The following PUS7 variants were observed in gnomAD, a reference collection of about 807,000 sequenced individuals.
The protein encoded by PUS7 is pseudouridine synthase 7.
PUS7 carries 48 observed loss-of-function variants against 79.8 expected under a neutral mutation model. The observed-to-expected ratio is 0.60, with a 90% CI of 0.48 to 0.76. The LOEUF (loss-of-function observed/expected upper bound fraction) is 0.76. Ranked by LOEUF, PUS7 falls within the 30% of genes least tolerant of loss-of-function variation. The probability of loss-of-function intolerance (pLI) is 0.00; values close to 1 mark genes in which losing one functional copy is unlikely to be tolerated. For synonymous variants in PUS7, 286 were observed against 272.2 expected (o/e 1.05, Z -0.50); for missense variants, 729 against 797.6 (o/e 0.91, Z 1.04).
At chr7:105,517,865 G>C (rs1395347074) in intron 1 of PUS7, among the ~76,000 whole-genome samples, 1 of 152,166 alleles carries the variant, frequency 6.6e-6, no homozygotes, top group Non-Finnish European at 1.5e-5. Flanking sequence ...AAATTAGCCA[G>C]GCAGCTGGGT....
At chr7:105,521,744 G>A (rs1826122850) in intron 1 of PUS7, among the ~76,000 whole-genome samples, 1 of 152,182 alleles carries the variant, frequency 6.6e-6, no homozygotes, top group Non-Finnish European at 1.5e-5. Flanking sequence ...GGGGGACAGC[G>A]CCGCGCGGGG....
intron 5 of PUS7, among the ~76,000 whole-genome samples, chr7:105,499,148 T>C (rs1825150685): frequency 6.6e-6 from 1 of 152,186 alleles, no homozygotes; most frequent in Non-Finnish European, 1.5e-5. Context: ...ACCAACAACT[T>C]CCATGTTGCT....
intron 7 of PUS7, among the ~76,000 whole-genome samples, chr7:105,487,364 G>A (rs1028958646): frequency 6.6e-6 from 1 of 152,168 alleles, no homozygotes; most frequent in African/African-American, 2.4e-5. Context: ...TTGTGCGCCT[G>A]ACTTCTTAGT....
rs551912573 is a variant in PUS7 at position 105,459,439 on chromosome 7, A to ATT, written c.1758-182_1758-181dup. Among the ~76,000 whole-genome samples, 115 of 143,986 alleles carry ATT rather than the reference A, an allele frequency of 8.0e-4. 1 individual carries two copies. Among genetic ancestry groups the ATT allele is most frequent in the East Asian group, 8.0e-4 (4 of 4,998 alleles). The allele number at this position is 143,986 out of a possible 152,430, so 94.5% of individuals were successfully genotyped here. A position where few individuals can be genotyped will look rare whatever the true frequency, so the allele number is the denominator to read the frequency against. ...TACCTAAGTTTTGCTTATATATATA[A>ATT]TTTTTTTTTTTTTTTGAGATGGAGT... On this transcript the variant is annotated intron_variant, in intron 14 of 15. Coordinates refer to ENST00000469408, the MANE Select transcript of PUS7 (RefSeq NM_019042.5).
intron 1 of PUS7, 55 bp from the exon 2 acceptor site, chr7:105,508,599 C>G: frequency 5.9e-6 from 9 of 1,528,340 alleles, no homozygotes; most frequent in Non-Finnish European, 6.1e-6. Context: ...GGTTTCAGGC[C>G]GGGCGCGGTG....
intron 1 of PUS7, among the ~76,000 whole-genome samples, chr7:105,520,003 T>G (rs928097949): frequency 1.3e-5 from 2 of 152,182 alleles, no homozygotes; most frequent in African/African-American, 2.4e-5. Flanking sequence ...ATTAATACAG[T>G]ACATGCATGC....
intron 4 of PUS7, 146 bp downstream of exon 4, chr7:105,505,809 A>AT: frequency 1.6e-6 from 1 of 611,648 alleles, no homozygotes. Flanking sequence ...CAGTAAAAAA[A>AT]TTTTTTAGTG....
intron 1 of PUS7, among the ~76,000 whole-genome samples, chr7:105,508,955 C>T (rs35672975): frequency 0.076 from 10,526 of 137,758 alleles, 423 homozygotes; most frequent in East Asian, 0.13. Flanking sequence ...CCGAGGTGGG[C>T]GGATCACAAG....
At chr7:105,485,259 G>A (rs1369256800) in intron 7 of PUS7, among the ~76,000 whole-genome samples, 3 of 152,124 alleles carry the variant, frequency 2.0e-5, no homozygotes, top group African/African-American at 7.2e-5. Flanking sequence ...GCCCAGGCTG[G>A]AGCGCAATGG....
At chr7:105,466,037 AGTCC>A (rs1261906050) in intron 12 of PUS7, among the ~76,000 whole-genome samples, 1 of 151,858 alleles carries the variant, frequency 6.6e-6, no homozygotes, top group Non-Finnish European at 1.5e-5. Flanking sequence ...AAACACCTGT[AGTCC>A]CACCTACTTG....
chr7:105,457,576 T>G lies in PUS7; in HGVS notation c.*214A>C. 1 of 383,100 alleles carries G rather than the reference T, an allele frequency of 2.6e-6. No homozygotes were observed. The highest frequency in any genetic ancestry group is 4.6e-6 in the Non-Finnish European group (1 of 218,578). The allele number at this position is 383,100 out of a possible 1,614,324, so 23.7% of individuals were successfully genotyped here. A position where few individuals can be genotyped will look rare whatever the true frequency, so the allele number is the denominator to read the frequency against. ...GCACCTGAAGTGTATTTTGACTAAT[T>G]TATATTCTGAGCTAAAATTAAGAAC... On this transcript the variant is annotated 3_prime_UTR_variant, in exon 16 of 16. Coordinates refer to ENST00000469408, the MANE Select transcript of PUS7 (RefSeq NM_019042.5).
chr7:105,481,245 A>G (rs1788274161), intron 8 of PUS7, 68 bp from the exon 9 acceptor site: 1 of 1,420,734 alleles, frequency 7.0e-7, no homozygotes, highest in Admixed American at 2.2e-5. Context: ...CAGCTCATAA[A>G]TGACTACGGC....
intron 8 of PUS7, 139 bp from the exon 9 acceptor site, chr7:105,481,316 T>C: frequency 1.8e-6 from 1 of 566,608 alleles, no homozygotes; most frequent in Non-Finnish European, 2.8e-6. Flanking sequence ...CAAGGGCTCT[T>C]TCTTTCTTTA....
Position 105,457,888 on chromosome 7 carries a change from G to C in PUS7, c.1888C>G (p.Pro630Ala), listed in dbSNP as rs1823253158. The change falls in exon 16 of 16, where the codon CCC becomes GCC. Residue 630 changes from proline to alanine, a missense_variant. Transcript: ENST00000469408. Reference protein sequence around the residue: ...YRALKMDFSLPPSTYATMAIR... With the variant: ...YRALKMDFSLAPSTYATMAIR... Reference sequence around the variant, plus strand: ...GCCATGGTGGCGTAAGTAGAAGGGGGTAGAGAAAAATCCATTTTCAGAGCC... The same window carrying C: ...GCCATGGTGGCGTAAGTAGAAGGGGCTAGAGAAAAATCCATTTTCAGAGCC... The C allele has an allele frequency of 6.2e-7, 1 of 1,613,914 alleles. No homozygotes were observed. Among genetic ancestry groups the C allele is most frequent in the East Asian group, 2.2e-5 (1 of 44,874 alleles).
At chr7:105,484,616 C>T (rs1314110179) in intron 7 of PUS7, among the ~76,000 whole-genome samples, 16 of 151,182 alleles carry the variant, frequency 1.1e-4, no homozygotes, top group Non-Finnish European at 1.9e-4. Flanking sequence ...GTCAGGAATT[C>T]GAGACCAGCC....
Position 105,494,431 on chromosome 7 carries a change from G to A in PUS7, c.842+711C>T, listed in dbSNP as rs962262010. Reference sequence around the variant, plus strand: ...TTTTTTTTTTTTTTTTTTTTTTTGAGATGGAGTCTTGCTCTGTTGCCAGGC... The same window carrying A: ...TTTTTTTTTTTTTTTTTTTTTTTGAAATGGAGTCTTGCTCTGTTGCCAGGC... On this transcript the variant is annotated intron_variant, in intron 6 of 15. Coordinates refer to ENST00000469408, the MANE Select transcript of PUS7 (RefSeq NM_019042.5). 5.6e-4 allele frequency among the ~76,000 whole-genome samples: 51 copies of A among 91,390 alleles called. No individual in the cohort carries two copies. In the South Asian group the frequency reaches 0.011, roughly 20 times the overall value. The allele number at this position is 91,390 out of a possible 152,430, so 60.0% of individuals were successfully genotyped here.
Position 105,462,652 on chromosome 7 carries a change from T to C in PUS7, c.1726A>G (p.Lys576Glu), listed in dbSNP as rs1182953722. The C allele has an allele frequency of 6.2e-7, 1 of 1,613,914 alleles. No homozygotes were observed. Among genetic ancestry groups the C allele is most frequent in the Admixed American group, 1.7e-5 (1 of 59,994 alleles). ...RDYSLSGAYR[K>E]IIIRPQNVSW... The stretch of plus-strand genomic sequence containing the variant: ...ACATTCTGAGGACGAATAATGATCT[T>C]TCGGTAGGCCCCTGACAAGGAATAA... The change falls in exon 14 of 16, where the codon AAG becomes GAG. Residue 576 changes from lysine to glutamate, a missense_variant. Physicochemically the swap from Lys to Glu is moderately conservative, Grantham distance 56. Transcript: ENST00000469408.
intron 1 of PUS7, among the ~76,000 whole-genome samples, chr7:105,511,218 A>G (rs1049964955): frequency 6.6e-6 from 1 of 150,956 alleles, no homozygotes; most frequent in Admixed American, 6.6e-5. Context: ...TATTTTTAGT[A>G]GAGACGGGGC....
intron 4 of PUS7, among the ~76,000 whole-genome samples, chr7:105,504,360 T>C (rs1825373651): frequency 6.6e-6 from 1 of 151,966 alleles, no homozygotes; most frequent in Admixed American, 6.6e-5. Context: ...TGTGAGCCAC[T>C]GCGCCCAGCA....
Sources: gnomAD v4.1 joint callset for allele counts (sites outside exome capture counted in the v4.1 genomes callset) on GRCh38, gnomAD v4.1.1 for gene constraint, MANE v1.5 for transcripts, NCBI Gene and HGNC (gene_info 2026-07-23, HGNC 2026-07-21) for gene names.